The following MRTFA variants were observed in gnomAD, a reference collection of about 807,000 sequenced individuals.
MRTFA encodes myocardin related transcription factor A.
A neutral mutation model predicts 83.5 loss-of-function variants in MRTFA; 20 were observed. The observed-to-expected ratio is 0.24, with a 90% CI of 0.17 to 0.35. The LOEUF is 0.35. Among genes scored for constraint, MRTFA ranks in the 10% least tolerant of loss-of-function variants. The pLI is 1.00. For missense variants in MRTFA, 1,200 were observed against 1,224.7 expected (o/e 0.98, Z 0.30); for synonymous variants, 659 against 541.2 (o/e 1.22, Z -3.02).
At chr22:40,469,197 C>T (rs1330229178) in intron 3 of MRTFA, among the ~76,000 whole-genome samples, 3 of 152,086 alleles carry the variant, frequency 2.0e-5, no homozygotes, top group African/African-American at 2.4e-5. Context: ...AAATGTGTGC[C>T]CCCTCCAAAC....
chr22:40,619,684 T>G (rs2056496163), intron 1 of MRTFA, among the ~76,000 whole-genome samples: 1 of 151,758 alleles, frequency 6.6e-6, no homozygotes, highest in Non-Finnish European at 1.5e-5. Context: ...GGTCAGGAGA[T>G]CGAGACCATC....
chr22:40,580,951 A>G (rs1333643916), intron 2 of MRTFA, among the ~76,000 whole-genome samples: 2 of 151,694 alleles, frequency 1.3e-5, no homozygotes, highest in African/African-American at 4.8e-5. Flanking sequence ...ATCACATTTA[A>G]CTTCTTGTAA....
chr22:40,532,299 A>G (rs1198031026), intron 3 of MRTFA, among the ~76,000 whole-genome samples: 3 of 152,266 alleles, frequency 2.0e-5, no homozygotes, highest in Non-Finnish European at 4.4e-5. Flanking sequence ...AAAAAGGGAG[A>G]GAGTTCAAAT....
rs966206904 is a variant in MRTFA, at chr22:40,610,043, CT to C, written c.-83-15309del. Reference sequence around the variant, plus strand: ...CCAAATGTCTGTTTCTTTTTTTTCTCTTTTTTTTTTTTTTTTTTTTGAGACA... The same window carrying C: ...CCAAATGTCTGTTTCTTTTTTTTCTCTTTTTTTTTTTTTTTTTTTGAGACA... On this transcript the variant is annotated intron_variant, in intron 1 of 14. Transcript: ENST00000355630. 4.6e-3 allele frequency among the ~76,000 whole-genome samples: 575 copies of C among 124,606 alleles called. 1 individual carries two copies. The highest frequency in any genetic ancestry group is 9.5e-3 in the African/African-American group (326 of 34,420). 81.7% of individuals were successfully genotyped at this position (124,606 alleles called of 152,430 possible). A position where few individuals can be genotyped will look rare whatever the true frequency, so the allele number is the denominator to read the frequency against.
At chr22:40,514,829 A>C (rs2054729846) in intron 3 of MRTFA, among the ~76,000 whole-genome samples, 1 of 151,276 alleles carries the variant, frequency 6.6e-6, no homozygotes, top group Non-Finnish European at 1.5e-5. Flanking sequence ...TCAGGGAAAC[A>C]TTTCTTTGGA....
chr22:40,451,295 A>G (rs1416906785), intron 4 of MRTFA, among the ~76,000 whole-genome samples: 1 of 152,220 alleles, frequency 6.6e-6, no homozygotes, highest in Non-Finnish European at 1.5e-5. Flanking sequence ...ATAAATGAGC[A>G]CCAAAATTAA....
chr22:40,537,020 G>GT (rs2055192677), intron 3 of MRTFA, among the ~76,000 whole-genome samples: 1 of 86,858 alleles, frequency 1.2e-5, no homozygotes, highest in African/African-American at 4.6e-5. Flanking sequence ...GGTGGGGGGG[G>GT]GTCAGCCCCC....
intron 3 of MRTFA, among the ~76,000 whole-genome samples, chr22:40,473,448 T>C (rs2053947006): frequency 6.6e-6 from 1 of 152,164 alleles, no homozygotes; most frequent in Admixed American, 6.6e-5. Flanking sequence ...TGTGAGCCAC[T>C]GTACCCAGCC....
intron 1 of MRTFA, among the ~76,000 whole-genome samples, chr22:40,606,149 A>G (rs548126342): frequency 6.6e-6 from 1 of 152,226 alleles, no homozygotes; most frequent in African/African-American, 2.4e-5. Context: ...AGCTGCCTAA[A>G]GCAAACTCAT....
At chr22:40,576,061 TTCTG>T (rs2055863902) in intron 2 of MRTFA, among the ~76,000 whole-genome samples, 2 of 150,348 alleles carry the variant, frequency 1.3e-5, no homozygotes, top group Admixed American at 1.3e-4. Flanking sequence ...CGGAGTCTTG[TTCTG>T]TCTCCCAGGC....
At chr22:40,496,076 A>T (rs1000393300) in intron 3 of MRTFA, among the ~76,000 whole-genome samples, 7 of 151,478 alleles carry the variant, frequency 4.6e-5, no homozygotes, top group East Asian at 1.9e-4. Flanking sequence ...AGAAAAAAAA[A>T]AATAAATTAA....
rs754039084 is a variant in MRTFA at position 40,420,924 on chromosome 22, G to A, written c.1104C>T (p.Leu368=). ...GGTTGAGGATCTGCAGCTGGAGGAA[G>A]AGCTGCTGCTGCTGCAGGATCTTGG... Residue 368 remains leucine (L), a synonymous_variant, in exon 10 of 15, where the codon CTC becomes CTT. Coordinates refer to ENST00000355630, the MANE Select transcript of MRTFA (RefSeq NM_020831.6). 8.1e-6 allele frequency: 13 copies of A among 1,614,086 alleles called. No homozygotes were observed. In the South Asian group the frequency reaches 1.3e-4, roughly 16 times the overall value.
At chr22:40,538,614 C>T (rs2055231396) in intron 3 of MRTFA, among the ~76,000 whole-genome samples, 1 of 152,006 alleles carries the variant, frequency 6.6e-6, no homozygotes, top group African/African-American at 2.4e-5. Flanking sequence ...GTAATCTTTC[C>T]CAATTGCTAA....
chr22:40,576,234 T>C (rs538426930), intron 2 of MRTFA, among the ~76,000 whole-genome samples: 1 of 152,264 alleles, frequency 6.6e-6, no homozygotes, highest in East Asian at 1.9e-4. Flanking sequence ...TTTTGCCATG[T>C]TGGCCAGGCT....
intron 3 of MRTFA, among the ~76,000 whole-genome samples, chr22:40,516,957 C>G: frequency 6.6e-6 from 1 of 151,814 alleles, no homozygotes; most frequent in East Asian, 1.9e-4. Flanking sequence ...GGCTCTCACT[C>G]TGTCACCCAG....
At chr22:40,504,118 ATATTT>A (rs1425893482) in intron 3 of MRTFA, among the ~76,000 whole-genome samples, 4 of 152,200 alleles carry the variant, frequency 2.6e-5, no homozygotes, top group African/African-American at 9.7e-5. Context: ...AAGAAAACAA[ATATTT>A]TATAATTGAA....
chr22:40,545,235 A>G (rs952937326), intron 3 of MRTFA, among the ~76,000 whole-genome samples: 3 of 152,132 alleles, frequency 2.0e-5, no homozygotes, highest in African/African-American at 7.2e-5. Flanking sequence ...CTAAGTTCTC[A>G]GCCTAGAAGA....
rs776075354 is a variant in MRTFA, at chr22:40,594,887, T to TAAAAAAAAAA, written c.-83-162_-83-153dup. ...CAGTGTTAAGAGTTCTGTCACTGGT[T>TAAAAAAAAAA]AAAAAAAAAAAAAAAAAAAAGGCCC... On this transcript the variant is annotated intron_variant, in intron 1 of 14. Coordinates refer to ENST00000355630, the MANE Select transcript of MRTFA (RefSeq NM_020831.6). Among the ~76,000 whole-genome samples, 3 of 105,008 alleles carry TAAAAAAAAAA rather than the reference T, an allele frequency of 2.9e-5. 1 individual carries two copies. Among genetic ancestry groups the TAAAAAAAAAA allele is most frequent in the African/African-American group, 7.1e-5 (2 of 28,108 alleles). The allele number at this position is 105,008 out of a possible 152,430, so 68.9% of individuals were successfully genotyped here. A position where few individuals can be genotyped will look rare whatever the true frequency, so the allele number is the denominator to read the frequency against.
chr22:40,527,703 G>A (rs954541998), intron 3 of MRTFA, among the ~76,000 whole-genome samples: 2 of 149,682 alleles, frequency 1.3e-5, no homozygotes, highest in African/African-American at 4.9e-5. Flanking sequence ...AGCTTGCAGT[G>A]AGCCGAGATC....
Sources: gnomAD v4.1 joint callset for allele counts (sites outside exome capture counted in the v4.1 genomes callset) on GRCh38, gnomAD v4.1.1 for gene constraint, MANE v1.5 for transcripts, NCBI Gene and HGNC (gene_info 2026-07-23, HGNC 2026-07-21) for gene names.